The following TAFA2 variants were observed in gnomAD, a reference collection of about 807,000 sequenced individuals.
TAFA2 encodes the protein chemokine-like protein TAFA-2.
In TAFA2, 7 loss-of-function variants were observed where a neutral mutation model predicts 18.8. The observed-to-expected ratio is 0.37, with a 90% confidence interval of 0.21 to 0.70. The LOEUF is 0.70. TAFA2 is among the 30% of genes least tolerant of loss of function. The probability of loss-of-function intolerance (pLI) is 0.53; values close to 1 mark genes in which losing one functional copy is unlikely to be tolerated. For missense variants in TAFA2, 122 were observed against 158.1 expected (o/e 0.77, Z 1.23); for synonymous variants, 60 against 54.2 (o/e 1.11, Z -0.47).
chr12:62,071,215 G>A (rs2136804162), intron 1 of TAFA2, among the ~76,000 whole-genome samples: 2 of 152,248 alleles, frequency 1.3e-5, no homozygotes, highest in Admixed American at 1.3e-4. Flanking sequence ...CAATAGAAAA[G>A]GCCTCTCTAG....
chr12:61,964,411 T>G (rs1878999489), intron 1 of TAFA2, among the ~76,000 whole-genome samples: 1 of 151,822 alleles, frequency 6.6e-6, no homozygotes, highest in South Asian at 2.1e-4. Context: ...TCTACTGTCT[T>G]TCCTCTGTGA....
chr12:62,250,166 CT>C (rs780508217), intron 1 of TAFA2, among the ~76,000 whole-genome samples: 1 of 152,146 alleles, frequency 6.6e-6, no homozygotes, highest in African/African-American at 2.4e-5. Flanking sequence ...AAAAATAACT[CT>C]TTATTTCCCT....
chr12:61,838,224 G>A (rs1247232943), intron 2 of TAFA2, among the ~76,000 whole-genome samples: 1 of 151,894 alleles, frequency 6.6e-6, no homozygotes, highest in African/African-American at 2.4e-5. Context: ...GGAGATAAAG[G>A]CATAGACAGA....
chr12:61,808,577 T>A (rs1216950504), intron 2 of TAFA2, among the ~76,000 whole-genome samples: 1 of 150,998 alleles, frequency 6.6e-6, no homozygotes, highest in East Asian at 1.9e-4. Context: ...GTGAGGAAAA[T>A]GGAGGTAGAA....
At chr12:62,059,059 C>G (rs1341252108) in intron 1 of TAFA2, among the ~76,000 whole-genome samples, 2 of 151,760 alleles carry the variant, frequency 1.3e-5, no homozygotes, top group Non-Finnish European at 2.9e-5. Context: ...GCCGAGATCA[C>G]GGCACTGCAC....
chr12:62,003,624 C>T (rs912312517), intron 1 of TAFA2, among the ~76,000 whole-genome samples: 1 of 152,194 alleles, frequency 6.6e-6, no homozygotes, highest in Non-Finnish European at 1.5e-5. Context: ...TACCACTGCA[C>T]TTTTAAATGT....
rs147533974 is a variant in TAFA2 at position 61,782,118 on chromosome 12, C to T, written c.107-27094G>A. ...TGATCCCGAAGGTATAAAATATAAA[C>T]GAAATTCTAATGTCCCTCAACCATC... On this transcript the variant is annotated intron_variant, in intron 2 of 4. Transcript: ENST00000416284. 5.9e-4 allele frequency among the ~76,000 whole-genome samples: 89 copies of T among 151,548 alleles called. 1 individual carries two copies. In the South Asian group the frequency reaches 0.012, roughly 20 times the overall value.
In TAFA2 at chr12:62,060,139, C is replaced by T. The variant is rs187485485; in HGVS notation, c.-2+131120G>A. On this transcript the variant is annotated intron_variant, in intron 1 of 4. Coordinates refer to ENST00000416284, the MANE Select transcript of TAFA2 (RefSeq NM_178539.5). ...TTCACTGAGGATACAGGCTTTTAGT[C>T]TCTAAAATGACCCACTTTGGGTGGG... Among the ~76,000 whole-genome samples the T allele has an allele frequency of 3.4e-3, 523 of 152,288 alleles. 3 individuals are homozygous for T. Among genetic ancestry groups the T allele is most frequent in the African/African-American group, 0.012 (504 of 41,552 alleles).
chr12:62,232,636 C>T (rs939030240), intron 1 of TAFA2, among the ~76,000 whole-genome samples: 1 of 152,088 alleles, frequency 6.6e-6, no homozygotes, highest in Non-Finnish European at 1.5e-5. Flanking sequence ...CTCAGCCCCC[C>T]GAGTAGCTGG....
chr12:61,863,274 C>T (rs554875341), intron 2 of TAFA2, among the ~76,000 whole-genome samples: 123 of 152,156 alleles, frequency 8.1e-4, no homozygotes, highest in African/African-American at 2.7e-3. Context: ...CCCTGATGAC[C>T]ATGAGGAAGA....
At chr12:61,740,309 G>C (rs1261134769) in intron 4 of TAFA2, among the ~76,000 whole-genome samples, 1 of 151,924 alleles carries the variant, frequency 6.6e-6, no homozygotes, top group Non-Finnish European at 1.5e-5. Context: ...GGGTGGGGGG[G>C]AATATCACAC....
intron 1 of TAFA2, among the ~76,000 whole-genome samples, chr12:61,947,474 T>G (rs1878316215): frequency 1.3e-5 from 2 of 151,806 alleles, no homozygotes; most frequent in East Asian, 3.9e-4. Flanking sequence ...AATAAATAAA[T>G]AAATAAATAA....
At chr12:61,881,836 G>T (rs563577609) in intron 1 of TAFA2, among the ~76,000 whole-genome samples, 1 of 151,988 alleles carries the variant, frequency 6.6e-6, no homozygotes, top group Non-Finnish European at 1.5e-5. Context: ...GGCCACCAGG[G>T]TGTGGCTTCA....
At chr12:61,740,179 C>A (rs560850006) in intron 4 of TAFA2, among the ~76,000 whole-genome samples, 1 of 152,082 alleles carries the variant, frequency 6.6e-6, no homozygotes, top group Admixed American at 6.6e-5. Context: ...ACAGAAAATG[C>A]AATGTAAGTG....
chr12:61,747,895 T>C (rs1448380969), intron 4 of TAFA2, among the ~76,000 whole-genome samples: 10 of 152,028 alleles, frequency 6.6e-5, no homozygotes, highest in Non-Finnish European at 1.3e-4. Flanking sequence ...AAAAAGAAAT[T>C]TTTAGCCCAA....
intron 1 of TAFA2, among the ~76,000 whole-genome samples, chr12:61,957,541 C>T (rs1391400897): frequency 3.3e-5 from 5 of 151,958 alleles, no homozygotes. Context: ...GATCAAGTAT[C>T]GAAAGTGGGG....
At chr12:61,783,958 A>T (rs1307669398) in intron 2 of TAFA2, among the ~76,000 whole-genome samples, 1 of 151,592 alleles carries the variant, frequency 6.6e-6, no homozygotes, top group Non-Finnish European at 1.5e-5. Flanking sequence ...AACTCAGCAC[A>T]ATCAACATCA....
chr12:61,835,666 A>G lies in TAFA2; in HGVS notation c.106+31654T>C, dbSNP rs564014000. Among the ~76,000 whole-genome samples, 6 of 152,122 alleles carry G rather than the reference A, an allele frequency of 3.9e-5. No individual in the cohort carries two copies. The South Asian group carries it at 8.3e-4, about 21-fold the overall frequency. ...TGCTTCAATGAACAATCATATTGCT[A>G]TTTTTAAACTGTCATAAAGAACTTT... On this transcript the variant is annotated intron_variant, in intron 2 of 4. Coordinates refer to ENST00000416284, the MANE Select transcript of TAFA2 (RefSeq NM_178539.5).
intron 1 of TAFA2, among the ~76,000 whole-genome samples, chr12:61,913,524 G>A (rs1000693656): frequency 8.5e-5 from 13 of 152,196 alleles, no homozygotes; most frequent in African/African-American, 2.7e-4. Context: ...GTCTGACTAT[G>A]ATTCTGGCCT....
Sources: allele counts gnomAD v4.1 joint callset (sites outside exome capture counted in the v4.1 genomes callset), GRCh38; gene constraint gnomAD v4.1.1; transcripts MANE v1.5; gene names NCBI Gene and HGNC (gene_info 2026-07-23, HGNC 2026-07-21).